BLMH: variants seen among roughly 807,000 people sequenced by gnomAD.
BLMH encodes the protein bleomycin hydrolase.
In BLMH, 32 loss-of-function variants were observed where a neutral mutation model predicts 61.6. The observed-to-expected ratio is 0.52, with a 90% confidence interval of 0.39 to 0.70. The LOEUF is 0.70. Ranked by LOEUF, BLMH falls within the 30% of genes least tolerant of loss-of-function variation. The pLI is 0.00. For synonymous variants in BLMH, 183 were observed against 193.8 expected (o/e 0.94, Z 0.46); for missense variants, 460 against 555.5 (o/e 0.83, Z 1.73).
intron 11 of BLMH, among the ~76,000 whole-genome samples, chr17:30,265,159 A>G (rs1199389907): frequency 1.3e-5 from 2 of 152,252 alleles, no homozygotes; most frequent in African/African-American, 4.8e-5. Flanking sequence ...ACATATAAAC[A>G]CTGGGCTGCT....
chr17:30,251,131 A>G (rs976198568), intron 11 of BLMH, among the ~76,000 whole-genome samples: 1 of 152,124 alleles, frequency 6.6e-6, no homozygotes, highest in Non-Finnish European at 1.5e-5. Context: ...ACAACATACC[A>G]GTGTACACTG....
chr17:30,283,818 C>T (rs1332099482), intron 6 of BLMH, among the ~76,000 whole-genome samples: 1 of 152,096 alleles, frequency 6.6e-6, no homozygotes, highest in East Asian at 1.9e-4. Context: ...CCGTGCCTGG[C>T]CCCCACCATC....
At chr17:30,285,566 G>T in intron 5 of BLMH, 86 bp from the exon 6 acceptor site, 1 of 1,079,710 alleles carries the variant, frequency 9.3e-7, no homozygotes, top group Non-Finnish European at 1.3e-6. Context: ...GTTCTATTTT[G>T]AGGTATAACT....
intron 6 of BLMH, among the ~76,000 whole-genome samples, chr17:30,281,570 C>T (rs1039671737): frequency 6.6e-6 from 1 of 152,206 alleles, no homozygotes; most frequent in Non-Finnish European, 1.5e-5. Context: ...GTAAGTTCAC[C>T]CTTCAAGATC....
chr17:30,280,129 G>C (rs1277763393), intron 6 of BLMH, among the ~76,000 whole-genome samples: 1 of 152,228 alleles, frequency 6.6e-6, no homozygotes, highest in Non-Finnish European at 1.5e-5. Flanking sequence ...GGTTAGAACA[G>C]TAAGGTAGTT....
chr17:30,248,738 A>G lies in BLMH; in HGVS notation c.*279T>C. 1 of 356,322 alleles carries G rather than the reference A, an allele frequency of 2.8e-6. No individual in the cohort carries two copies. Among genetic ancestry groups the G allele is most frequent in the Non-Finnish European group, 5.1e-6 (1 of 196,424 alleles). 22.1% of individuals were successfully genotyped at this position (356,322 alleles called of 1,614,324 possible). ...CCAAACTTTTTGACAGTTAAAGACA[A>G]ACAATTACATCTAATTAAAATGCTA... On this transcript the variant is annotated 3_prime_UTR_variant, in exon 12 of 12. Transcript: ENST00000261714.
In BLMH at chr17:30,288,223, T is replaced by A. The variant is rs541054665; in HGVS notation, c.322-276A>T. The A allele has an allele frequency of 1.3e-5, 4 of 308,534 alleles. No individual in the cohort carries two copies. The East Asian group carries it at 2.2e-4, about 17-fold the overall frequency. 19.1% of individuals were successfully genotyped at this position (308,534 alleles called of 1,614,324 possible). A position where few individuals can be genotyped will look rare whatever the true frequency, so the allele number is the denominator to read the frequency against. On this transcript the variant is annotated intron_variant, in intron 3 of 11. Transcript: ENST00000261714. ...TAAAATTGGTAAATAAACATCAGTA[T>A]CTGACTTCATCAGAATATCTGAAGT...
intron 3 of BLMH, 52 bp from the exon 4 acceptor site, chr17:30,287,999 T>C (rs1279151189): frequency 6.6e-7 from 1 of 1,517,388 alleles, no homozygotes. Flanking sequence ...TGTCAATAAT[T>C]TTATTGGCAT....
At position 30,272,487 on chromosome 17, in the gene BLMH, C is replaced by A. The variant is rs940004595; in HGVS notation, c.1028+74G>T. On this transcript the variant is annotated intron_variant, in intron 9 of 11. Coordinates refer to ENST00000261714, the MANE Select transcript of BLMH (RefSeq NM_000386.4). The stretch of plus-strand genomic sequence containing the variant: ...ATCTTTGGATGAACCTCGGCAGAGT[C>A]ATTTTGTACCAACAGCACACTCCAA... The A allele has an allele frequency of 1.6e-5, 24 of 1,540,638 alleles. No homozygotes were observed. The African/African-American group carries it at 2.5e-4, about 16-fold the overall frequency.
At chr17:30,287,598 A>G (rs1908767357) in intron 4 of BLMH, among the ~76,000 whole-genome samples, 1 of 152,202 alleles carries the variant, frequency 6.6e-6, no homozygotes, top group Non-Finnish European at 1.5e-5. Flanking sequence ...TCTCCAACCC[A>G]TCCTTCACAG....
chr17:30,272,320 G>T, intron 9 of BLMH: 1 of 536,930 alleles, frequency 1.9e-6, no homozygotes, highest in Non-Finnish European at 3.3e-6. Flanking sequence ...TGGCTTTTTA[G>T]GAACGCCCAA....
intron 11 of BLMH, among the ~76,000 whole-genome samples, chr17:30,261,748 C>T (rs1228128043): frequency 2.6e-5 from 4 of 152,314 alleles, no homozygotes; most frequent in Admixed American, 2.6e-4. Context: ...TCTCCAAAAT[C>T]ACTTGTGGCA....
chr17:30,249,233 TG>T, intron 11 of BLMH, 65 bp from the exon 12 acceptor site: 1 of 1,542,626 alleles, frequency 6.5e-7, no homozygotes, highest in Non-Finnish European at 8.8e-7. Flanking sequence ...AAACCCTTTT[TG>T]TAGGATAAAC....
chr17:30,261,270 A>G (rs1907951497), intron 11 of BLMH, among the ~76,000 whole-genome samples: 1 of 152,240 alleles, frequency 6.6e-6, no homozygotes, highest in South Asian at 2.1e-4. Context: ...ACAAGACACA[A>G]CTGTCAGTAA....
At chr17:30,251,770 C>G (rs1478176735) in intron 11 of BLMH, among the ~76,000 whole-genome samples, 1 of 152,206 alleles carries the variant, frequency 6.6e-6, no homozygotes, top group Non-Finnish European at 1.5e-5. Context: ...AGTTCTCAAG[C>G]CTCTTGGCCT....
chr17:30,290,990 G>A (rs1162234038), intron 2 of BLMH: 1 of 304,472 alleles, frequency 3.3e-6, no homozygotes, highest in African/African-American at 2.1e-5. Flanking sequence ...CACATGTTCT[G>A]TTTTGTGACC....
At chr17:30,254,346 C>T (rs1907756809) in intron 11 of BLMH, among the ~76,000 whole-genome samples, 2 of 152,168 alleles carry the variant, frequency 1.3e-5, no homozygotes, top group East Asian at 3.9e-4. Context: ...GCCAATCTTT[C>T]ACCTGGCAGC....
At chr17:30,282,503 C>T (rs1333963996) in intron 6 of BLMH, among the ~76,000 whole-genome samples, 1 of 152,150 alleles carries the variant, frequency 6.6e-6, no homozygotes, top group Non-Finnish European at 1.5e-5. Context: ...TAGGCATGAG[C>T]CACTGCGCCC....
chr17:30,257,768 G>A (rs1049923433), intron 11 of BLMH, among the ~76,000 whole-genome samples: 2 of 152,052 alleles, frequency 1.3e-5, no homozygotes, highest in Non-Finnish European at 2.9e-5. Flanking sequence ...AGCCAACATC[G>A]AACCCAGGTC....
Sources: allele counts gnomAD v4.1 joint callset (sites outside exome capture counted in the v4.1 genomes callset), GRCh38; gene constraint gnomAD v4.1.1; transcripts MANE v1.5; gene names NCBI Gene and HGNC (gene_info 2026-07-23, HGNC 2026-07-21).